PCDHGA8: variants seen among roughly 807,000 people sequenced by gnomAD.
PCDHGA8 encodes protocadherin gamma subfamily A, 8, also known as protocadherin gamma-A8.
A neutral mutation model predicts 59.2 loss-of-function variants in PCDHGA8; 45 were observed. That is an observed-to-expected ratio of 0.76 (90% CI 0.60 to 0.98). The LOEUF (loss-of-function observed/expected upper bound fraction) is 0.98. Among genes scored for constraint, PCDHGA8 ranks in the 50% least tolerant of loss-of-function variants. The pLI is 0.00. For synonymous variants in PCDHGA8, 531 were observed against 519.0 expected (o/e 1.02, Z -0.32); for missense variants, 1,257 against 1,196.2 (o/e 1.05, Z -0.75).
chr5:141,400,803 A>G, intron 1 of PCDHGA8: 1 of 556,958 alleles, frequency 1.8e-6, no homozygotes, highest in South Asian at 2.5e-5. Context: ...CTCAAAGCTA[A>G]TGAATTTTAC....
intron 1 of PCDHGA8, chr5:141,397,964 T>A: frequency 9.4e-7 from 1 of 1,060,074 alleles, no homozygotes; most frequent in Non-Finnish European, 1.3e-6. Context: ...CAGCTCAGAC[T>A]CCCCAGCGCC....
intron 1 of PCDHGA8, among the ~76,000 whole-genome samples, chr5:141,463,534 C>T (rs866525322): frequency 2.6e-4 from 39 of 148,938 alleles, no homozygotes; most frequent in Admixed American, 7.5e-4. Flanking sequence ...CTAGAAACTC[C>T]GGCTCCCGGG....
chr5:141,491,571 C>CT lies in PCDHGA8; in HGVS notation c.2425-3232dup. On this transcript the variant is annotated intron_variant, in intron 1 of 3. Coordinates refer to ENST00000398604, the MANE Select transcript of PCDHGA8 (RefSeq NM_032088.2). The surrounding 1 kb of genome is among the most constrained non-coding windows in gnomAD (Gnocchi z 6.9). ...CGCAGAGCCACTGCTACAGGACGTG[C>CT]TTTTCACCGGCCTCGGACGGCAGTG... 6.2e-7 allele frequency: 1 copy of CT among 1,614,026 alleles called. No homozygotes were observed. Among genetic ancestry groups the CT allele is most frequent in the Non-Finnish European group, 8.5e-7 (1 of 1,180,042 alleles).
chr5:141,446,692 G>T (rs543476108), intron 1 of PCDHGA8, among the ~76,000 whole-genome samples: 2 of 152,280 alleles, frequency 1.3e-5, no homozygotes, highest in African/African-American at 4.8e-5. Context: ...TGGCCAGGCT[G>T]GTCTCGAACT....
intron 1 of PCDHGA8, among the ~76,000 whole-genome samples, chr5:141,447,728 A>G (rs2098549955): frequency 6.6e-6 from 1 of 152,204 alleles, no homozygotes; most frequent in Non-Finnish European, 1.5e-5. Flanking sequence ...TCCAAAACTC[A>G]TTGAACTTAA....
chr5:141,501,442 T>C (rs1202229661), intron 2 of PCDHGA8, among the ~76,000 whole-genome samples: 1 of 152,016 alleles, frequency 6.6e-6, no homozygotes, highest in African/African-American at 2.4e-5. Context: ...ATTTCTTCCA[T>C]TTTTACTTTT....
intron 1 of PCDHGA8, among the ~76,000 whole-genome samples, chr5:141,479,138 T>G (rs1469363480): frequency 6.6e-6 from 1 of 152,232 alleles, no homozygotes; most frequent in Non-Finnish European, 1.5e-5. Flanking sequence ...GCACCCTGCT[T>G]ACAAAATATT....
Position 141,485,738 on chromosome 5 carries a change from A to G in PCDHGA8, c.2425-9069A>G, listed in dbSNP as rs1443978038. Reference sequence around the variant, plus strand: ...GGATGTGAAGAAGCGCAGCGACGGCAGCCTGGTCCCAGAGCTGCTCCTGGA... The same window carrying G: ...GGATGTGAAGAAGCGCAGCGACGGCGGCCTGGTCCCAGAGCTGCTCCTGGA... On this transcript the variant is annotated intron_variant, in intron 1 of 3. Transcript: ENST00000398604. This position sits in a 1 kb window ranked among gnomAD's most constrained non-coding sequence, Gnocchi z 5.7. 1 of 1,614,230 alleles carries G rather than the reference A, an allele frequency of 6.2e-7. No individual in the cohort carries two copies.
chr5:141,427,440 G>T (rs747459662), intron 1 of PCDHGA8: 3 of 477,366 alleles, frequency 6.3e-6, no homozygotes, highest in South Asian at 3.1e-5. Flanking sequence ...CCTCATAAAC[G>T]AAAGAGTTCC....
At chr5:141,404,224 AAC>A (rs1416261372) in intron 1 of PCDHGA8, 1 of 1,613,704 alleles carries the variant, frequency 6.2e-7, no homozygotes, top group Non-Finnish European at 8.5e-7. Flanking sequence ...CGGTGACTGC[AAC>A]AGACAGAGGA....
At chr5:141,422,201 G>A in intron 1 of PCDHGA8, 1 of 1,562,386 alleles carries the variant, frequency 6.4e-7, no homozygotes, top group Non-Finnish European at 8.6e-7. Context: ...GGCCAAGATG[G>A]TGGAGGTCTC....
chr5:141,408,699 CAATT>C (rs778787749), intron 1 of PCDHGA8: 9 of 1,613,534 alleles, frequency 5.6e-6, no homozygotes, highest in Non-Finnish European at 6.8e-6. Flanking sequence ...AACATAAACT[CAATT>C]AAAGATTATA....
intron 2 of PCDHGA8, among the ~76,000 whole-genome samples, chr5:141,497,126 C>T (rs565697662): frequency 8.2e-4 from 125 of 151,844 alleles, no homozygotes; most frequent in African/African-American, 3.0e-3. Flanking sequence ...GCAGAGGTTG[C>T]AGTGAGCTGA....
chr5:141,476,699 G>C lies in PCDHGA8; in HGVS notation c.2425-18108G>C. 1 of 1,614,222 alleles carries C rather than the reference G, an allele frequency of 6.2e-7. No individual in the cohort carries two copies. The highest frequency in any genetic ancestry group is 8.5e-7 in the Non-Finnish European group (1 of 1,180,042). ...GCGGGAGGACAGCACCAAGTACGCG[G>C]AGCTGGTGTTGGAGCGCGCCCTGGA... is the stretch of plus-strand genomic sequence containing the variant. On this transcript the variant is annotated intron_variant, in intron 1 of 3. Transcript: ENST00000398604. The surrounding 1 kb of genome is among the most constrained non-coding windows in gnomAD (Gnocchi z 7.6).
chr5:141,425,119 T>G (rs1234720658), intron 1 of PCDHGA8, among the ~76,000 whole-genome samples: 1 of 152,220 alleles, frequency 6.6e-6, no homozygotes, highest in Non-Finnish European at 1.5e-5. Context: ...ACATTTTTCT[T>G]GAAGTCAAGA....
Position 141,394,188 on chromosome 5 carries a change from G to A in PCDHGA8, c.1375G>A (p.Ala459Thr), listed in dbSNP as rs772537455. ...PPTFPHASYS[A>T]YILENNLRGA... Reference sequence around the variant, plus strand: ...TACTTTCCCTCATGCCTCCTACTCAGCGTATATCCTAGAGAACAACCTGAG... The same window carrying A: ...TACTTTCCCTCATGCCTCCTACTCAACGTATATCCTAGAGAACAACCTGAG... Residue 459 changes from alanine (A) to threonine (T), a missense_variant, in exon 1 of 4, where the codon GCG becomes ACG. Coordinates refer to ENST00000398604, the MANE Select transcript of PCDHGA8 (RefSeq NM_032088.2). 1 of 1,613,828 alleles carries A rather than the reference G, an allele frequency of 6.2e-7. No homozygotes were observed. The highest frequency in any genetic ancestry group is 8.5e-7 in the Non-Finnish European group (1 of 1,179,854).
chr5:141,437,719 TA>T (rs1316054877), intron 1 of PCDHGA8, among the ~76,000 whole-genome samples: 1 of 151,332 alleles, frequency 6.6e-6, no homozygotes, highest in African/African-American at 2.4e-5. Context: ...AGTTACCCTC[TA>T]ATGTTACACT....
chr5:141,395,521 T>G, intron 1 of PCDHGA8: 7 of 388,350 alleles, frequency 1.8e-5, no homozygotes, highest in East Asian at 5.0e-5. Flanking sequence ...TACCCGTCCA[T>G]ACTGGTAATT....
chr5:141,408,636 C>T (rs1236637669), intron 1 of PCDHGA8: 2 of 1,614,024 alleles, frequency 1.2e-6, no homozygotes. Flanking sequence ...ATTTTCGAAT[C>T]TGCATCCGCT....
Sources: allele counts gnomAD v4.1 joint callset (sites outside exome capture counted in the v4.1 genomes callset), GRCh38; gene constraint gnomAD v4.1.1; non-coding constraint Gnocchi (gnomAD v3.1); transcripts MANE v1.5; gene names NCBI Gene and HGNC (gene_info 2026-07-23, HGNC 2026-07-21).